PKDREJ: variants seen among roughly 807,000 people sequenced by gnomAD.
The protein encoded by PKDREJ is PKD and REJ homolog.
For missense variants in PKDREJ, 2,507 were observed against 2,807.2 expected, an observed-to-expected ratio of 0.89 and a Z score of 2.42; for synonymous variants, 1,031 against 1,095.5, an observed-to-expected ratio of 0.94 and a Z score of 1.16.
In PKDREJ at chr22:46,260,041, T is replaced by C. The variant is rs764327436; in HGVS notation, c.3282A>G (p.Leu1094=). The change falls in exon 1 of 1, where the codon CTA becomes CTG. Residue 1094 remains leucine, a synonymous_variant. Coordinates refer to ENST00000253255, the MANE Select transcript of PKDREJ (RefSeq NM_006071.2). This position sits in a 1 kb window ranked among gnomAD's most constrained non-coding sequence, Gnocchi z 4.5. The part of the protein sequence containing the change: ...PRFVMKLNDK[L]VRISIFSVQC... ...GGACGCTGAAAATAGAAATTCTCAC[T>C]AGCTTGTCATTGAGCTTCATGACAA... 1 of 1,614,116 alleles carries C rather than the reference T, an allele frequency of 6.2e-7. No homozygotes were observed. Among genetic ancestry groups the C allele is most frequent in the Non-Finnish European group, 8.5e-7 (1 of 1,179,998 alleles).
chr22:46,262,261 CA>C lies in PKDREJ; in HGVS notation c.1061del (p.Leu354ArgfsTer38), dbSNP rs1353397414. On this transcript the variant is annotated frameshift_variant, in exon 1 of 1. Coordinates refer to ENST00000253255, the MANE Select transcript of PKDREJ (RefSeq NM_006071.2). LOFTEE classifies it low-confidence loss of function (END_TRUNC). The surrounding 1 kb of genome is among the most constrained non-coding windows in gnomAD (Gnocchi z 8.1). Reference sequence around the variant, plus strand: ...CCGAGGACGTGGACCCGTCCAGAATCAGCTGCTCTGTGAAATTAGCTGTTAT... The same window carrying C: ...CCGAGGACGTGGACCCGTCCAGAATCGCTGCTCTGTGAAATTAGCTGTTAT... Reference protein sequence around the residue: ...ANITANFTEQLILDGSTSSDP... With the variant: ...ANITANFTEQXILDGSTSSDP... The C allele has an allele frequency of 3.1e-6, 5 of 1,614,216 alleles. No homozygotes were observed. In the South Asian group the frequency reaches 5.5e-5, roughly 18 times the overall value.
In PKDREJ at chr22:46,257,425, G is replaced by T. The variant is rs1159096432; in HGVS notation, c.5898C>A (p.Tyr1966Ter). 4 of 1,614,026 alleles carry T rather than the reference G, an allele frequency of 2.5e-6. No homozygotes were observed. Among genetic ancestry groups the T allele is most frequent in the Non-Finnish European group, 2.5e-6 (3 of 1,180,026 alleles). The stretch of plus-strand genomic sequence containing the variant: ...AAAAAATGAGAATGGCCACATACAA[G>T]TAGATTTCTGCTGAAGCTTTTCTGT... ...DFDRKASAEI[Y>*]LYVAILIFFL... Residue 1966 changes from tyrosine (Y) to a stop codon, truncating the protein, a stop_gained, in exon 1 of 1, where the codon TAC becomes TAA. Transcript: ENST00000253255. LOFTEE classifies it low-confidence loss of function (END_TRUNC). This position sits in a 1 kb window ranked among gnomAD's most constrained non-coding sequence, Gnocchi z 4.7.
rs765871417 is a variant in PKDREJ, at chr22:46,259,138, T to C, written c.4185A>G (p.Ala1395=). The change falls in exon 1 of 1, where the codon GCA becomes GCG. Residue 1395 remains alanine, a synonymous_variant. Transcript: ENST00000253255. This position sits in a 1 kb window ranked among gnomAD's most constrained non-coding sequence, Gnocchi z 6.8. ...TACAAAGAAGAGAGCTAAGCAACAT[T>C]GCTAAACAACAGGACAATCTCTGGA... ...NRLQRLSCCL[A]MLLSSLLCNI... 7 of 1,614,120 alleles carry C rather than the reference T, an allele frequency of 4.3e-6. No homozygotes were observed. In the South Asian group the frequency reaches 7.7e-5, roughly 18 times the overall value.
Position 46,257,288 on chromosome 22 carries a change from A to G in PKDREJ, c.6035T>C (p.Leu2012Ser), listed in dbSNP as rs756234128. The change falls in exon 1 of 1, where the codon TTG becomes TCG. Residue 2012 changes from leucine (L) to serine (S), a missense_variant. Leu to Ser is a moderately radical substitution (Grantham distance 145, BLOSUM62 -2). Coordinates refer to ENST00000253255, the MANE Select transcript of PKDREJ (RefSeq NM_006071.2). The surrounding 1 kb of genome is among the most constrained non-coding windows in gnomAD (Gnocchi z 4.7). ...NFALKCIFTV[L>S]IVLFLRKHFL... ...ATGTTTCCTGAGAAAGAGCACAATC[A>G]ACACAGTAAATATGCACTTTAAAGC... The G allele has an allele frequency of 6.2e-7, 1 of 1,614,106 alleles. No individual in the cohort carries two copies.
rs1158321465 is a variant in PKDREJ at position 46,259,480 on chromosome 22, AGT to A, written c.3841_3842del (p.Thr1281PhefsTer8). The A allele has an allele frequency of 6.2e-7, 1 of 1,614,190 alleles. No homozygotes were observed. The highest frequency in any genetic ancestry group is 8.5e-7 in the Non-Finnish European group (1 of 1,180,040). ...AGTCACTTTTTGTCGTTAGGAGGAA[AGT>A]GTTGATGCTACCTCGGTAGAGAGTT... Reference protein sequence around the residue: ...FTTLYRGSINTFLLTTKSDLG... With the variant: ...FTTLYRGSINXFLLTTKSDLG... On this transcript the variant is annotated frameshift_variant, in exon 1 of 1. Coordinates refer to ENST00000253255, the MANE Select transcript of PKDREJ (RefSeq NM_006071.2). LOFTEE classifies it low-confidence loss of function (END_TRUNC). This position sits in a 1 kb window ranked among gnomAD's most constrained non-coding sequence, Gnocchi z 6.8.
Position 46,260,124 on chromosome 22 carries a change from C to T in PKDREJ, c.3199G>A (p.Ala1067Thr). The T allele has an allele frequency of 6.2e-7, 1 of 1,613,676 alleles. No individual in the cohort carries two copies. Among genetic ancestry groups the T allele is most frequent in the Non-Finnish European group, 8.5e-7 (1 of 1,179,746 alleles). Residue 1067 changes from alanine (A) to threonine (T), a missense_variant, in exon 1 of 1, where the codon GCT (alanine) becomes ACT (threonine). Transcript: ENST00000253255. The surrounding 1 kb of genome is among the most constrained non-coding windows in gnomAD (Gnocchi z 4.5). ...CAGTGGGGAGAGTGGCTGTGCTGAG[C>T]TATGAGTTGCAGCAGGGACACAGGG... is the stretch of plus-strand genomic sequence containing the variant. ...CLPVSLLQLI[A>T]QHSHSPHCTV...
rs753064790 is a variant in PKDREJ, at chr22:46,260,248, G to A, written c.3075C>T (p.Val1025=). The A allele has an allele frequency of 1.9e-5, 31 of 1,614,004 alleles. No homozygotes were observed. The highest frequency in any genetic ancestry group is 2.4e-5 in the Non-Finnish European group (28 of 1,180,026). The change falls in exon 1 of 1, where the codon GTC becomes GTT. Residue 1025 remains valine, a synonymous_variant. Coordinates refer to ENST00000253255, the MANE Select transcript of PKDREJ (RefSeq NM_006071.2). The surrounding 1 kb of genome is among the most constrained non-coding windows in gnomAD (Gnocchi z 4.5). ...TGTCATGAGGCACCAGGAAGGTGGC[G>A]ACCAGCGCTGTGGGAGTGATCTGAC... The part of the protein sequence containing the change: ...TGSQITPTAL[V]ATFLVPHDIP...
Position 46,257,682 on chromosome 22 carries a change from AT to A in PKDREJ, c.5640del (p.Tyr1881MetfsTer16). The A allele has an allele frequency of 2.5e-6, 4 of 1,614,212 alleles. No homozygotes were observed. The highest frequency in any genetic ancestry group is 3.4e-6 in the Non-Finnish European group (4 of 1,180,020). On this transcript the variant is annotated frameshift_variant, in exon 1 of 1. Transcript: ENST00000253255. LOFTEE classifies it low-confidence loss of function (END_TRUNC). The surrounding 1 kb of genome is among the most constrained non-coding windows in gnomAD (Gnocchi z 4.7). The stretch of plus-strand genomic sequence containing the variant: ...TGTTCTGGAAAAAAATAGAGTGCAT[AT>A]CCTCCAGATCCATAGGTGTGTAGTA... ...YGLLHTYGSG[G>X]YALYFFPEQQ... is the part of the protein sequence containing the mutation.
rs1257062601 is a variant in PKDREJ at position 46,262,953 on chromosome 22, G to A, written c.370C>T (p.Leu124Phe). 2 of 1,136,284 alleles carry A rather than the reference G, an allele frequency of 1.8e-6. No individual in the cohort carries two copies. The highest frequency in any genetic ancestry group is 5.1e-5 in the Admixed American group (1 of 19,674). 70.4% of individuals were successfully genotyped at this position (1,136,284 alleles called of 1,614,324 possible). Residue 124 changes from leucine (L) to phenylalanine (F), a missense_variant, in exon 1 of 1, where the codon CTC becomes TTC. Physicochemically the swap from Leu to Phe is conservative, Grantham distance 22 (BLOSUM62 0). Coordinates refer to ENST00000253255, the MANE Select transcript of PKDREJ (RefSeq NM_006071.2). The surrounding 1 kb of genome is among the most constrained non-coding windows in gnomAD (Gnocchi z 8.1). ...AGCCGCACGGACCACGTCAGGGAGA[G>A]GCGGCCGCCGCGCGCGGAGAGCTGC... is the stretch of plus-strand genomic sequence containing the variant. ...DLQLSARGGRLSLTWSVRLPR... is the reference protein window; with the variant it reads ...DLQLSARGGRFSLTWSVRLPR...
At position 46,257,969 on chromosome 22, in the gene PKDREJ, G is replaced by A; in HGVS notation, c.5354C>T (p.Ser1785Leu). The change falls in exon 1 of 1, where the codon TCG becomes TTG. Residue 1785 changes from serine to leucine, a missense_variant. Ser to Leu is a moderately radical substitution (Grantham distance 145). Transcript: ENST00000253255. The surrounding 1 kb of genome is among the most constrained non-coding windows in gnomAD (Gnocchi z 4.7). Reference sequence around the variant, plus strand: ...CAATGGAAGGCCAAGGATTTTAGACGAGCTTTCAGGAAGAAATGTTGGATT... The same window carrying A: ...CAATGGAAGGCCAAGGATTTTAGACAAGCTTTCAGGAAGAAATGTTGGATT... The part of the protein sequence containing the change: ...DLNPTFLPES[S>L]SKILGLPLMR... 3 of 1,614,012 alleles carry A rather than the reference G, an allele frequency of 1.9e-6. No homozygotes were observed. Among genetic ancestry groups the A allele is most frequent in the African/African-American group, 2.7e-5 (2 of 75,056 alleles).
Position 46,259,476 on chromosome 22 carries a change from G to C in PKDREJ, c.3847C>G (p.Leu1283Val). The C allele has an allele frequency of 6.2e-7, 1 of 1,614,166 alleles. No homozygotes were observed. The stretch of plus-strand genomic sequence containing the variant: ...CCCAAGTCACTTTTTGTCGTTAGGA[G>C]GAAAGTGTTGATGCTACCTCGGTAG... ...TLYRGSINTF[L>V]LTTKSDLGDI... The change falls in exon 1 of 1, where the codon CTC becomes GTC. Residue 1283 changes from leucine (L) to valine (V), a missense_variant. Transcript: ENST00000253255. This position sits in a 1 kb window ranked among gnomAD's most constrained non-coding sequence, Gnocchi z 6.8.
At position 46,260,143 on chromosome 22, in the gene PKDREJ, C is replaced by T. The variant is rs756626187; in HGVS notation, c.3180G>A (p.Val1060=). 1 of 1,613,854 alleles carries T rather than the reference C, an allele frequency of 6.2e-7. No homozygotes were observed. ...GCTGAGCTATGAGTTGCAGCAGGGACACAGGGAGGCAGACTACACGGGCCT... is the reference window on the plus strand; with the variant it reads ...GCTGAGCTATGAGTTGCAGCAGGGATACAGGGAGGCAGACTACACGGGCCT... ...VKKARVVCLP[V]SLLQLIAQHS... is the part of the protein sequence containing the mutation. Residue 1060 remains valine, a synonymous_variant, in exon 1 of 1, where the codon GTG becomes GTA. Transcript: ENST00000253255. This position sits in a 1 kb window ranked among gnomAD's most constrained non-coding sequence, Gnocchi z 4.5.
chr22:46,262,218 G>T lies in PKDREJ; in HGVS notation c.1105C>A (p.Pro369Thr), dbSNP rs1294705532. 9 of 1,614,234 alleles carry T rather than the reference G, an allele frequency of 5.6e-6. No individual in the cohort carries two copies. The highest frequency in any genetic ancestry group is 7.6e-6 in the Non-Finnish European group (9 of 1,180,040). ...STSSDPDADS[P>T]LQGLQFFWYC... ...CAAAAGAACTGGAGTCCCTGTAACG[G>T]GCTGTCCGCATCTGGGTCCGAGGAC... The change falls in exon 1 of 1, where the codon CCG becomes ACG. Residue 369 changes from proline (P) to threonine (T), a missense_variant. Pro to Thr is a conservative substitution (Grantham distance 38). Coordinates refer to ENST00000253255, the MANE Select transcript of PKDREJ (RefSeq NM_006071.2). The surrounding 1 kb of genome is among the most constrained non-coding windows in gnomAD (Gnocchi z 8.1).
chr22:46,262,129 G>A lies in PKDREJ; in HGVS notation c.1194C>T (p.Val398=). The A allele has an allele frequency of 2.5e-6, 4 of 1,614,198 alleles. No individual in the cohort carries two copies. Among genetic ancestry groups the A allele is most frequent in the Non-Finnish European group, 2.5e-6 (3 of 1,180,032 alleles). Residue 398 remains valine, a synonymous_variant, in exon 1 of 1, where the codon GTC becomes GTT. Coordinates refer to ENST00000253255, the MANE Select transcript of PKDREJ (RefSeq NM_006071.2). This position sits in a 1 kb window ranked among gnomAD's most constrained non-coding sequence, Gnocchi z 8.1. ...TCAGATTGGCCTGCTCGGGGTGACA[G>A]ACTTCCTTGCTCCCCAGGATTATTC... is the stretch of plus-strand genomic sequence containing the variant. ...GDRIILGSKE[V]CHPEQANLKW...
Position 46,258,312 on chromosome 22 carries a change from G to A in PKDREJ, c.5011C>T (p.Gln1671Ter), listed in dbSNP as rs1416945797. The A allele has an allele frequency of 2.5e-6, 4 of 1,614,006 alleles. No homozygotes were observed. In the Admixed American group the frequency reaches 6.7e-5, roughly 27 times the overall value. The change falls in exon 1 of 1, where the codon CAG becomes TAG. Residue 1671 changes from glutamine (Q) to a stop codon, truncating the protein, a stop_gained. Transcript: ENST00000253255. LOFTEE classifies it low-confidence loss of function (END_TRUNC). The surrounding 1 kb of genome is among the most constrained non-coding windows in gnomAD (Gnocchi z 6.1). ...DGMRMHPEEM[Q>*]RIHDQIVRIR... Reference sequence around the variant, plus strand: ...CGGACGATCTGGTCATGTATCCTCTGCATTTCTTCTGGATGCATACGCATT... The same window carrying A: ...CGGACGATCTGGTCATGTATCCTCTACATTTCTTCTGGATGCATACGCATT...
Position 46,261,691 on chromosome 22 carries a change from C to A in PKDREJ, c.1632G>T (p.Trp544Cys), listed in dbSNP as rs1195773438. The A allele has an allele frequency of 5.0e-6, 8 of 1,614,008 alleles. No individual in the cohort carries two copies. The highest frequency in any genetic ancestry group is 6.8e-6 in the Non-Finnish European group (8 of 1,180,012). The change falls in exon 1 of 1, where the codon TGG (tryptophan) becomes TGT (cysteine). Residue 544 changes from tryptophan to cysteine, a missense_variant. By Grantham distance (215) the Trp-to-Cys change is radical. Transcript: ENST00000253255. The surrounding 1 kb of genome is among the most constrained non-coding windows in gnomAD (Gnocchi z 7.1). Reference sequence around the variant, plus strand: ...GCCTGAAGACCGAGGTCACTCCACTCCAACATGCTAGATACAGAGAAATCG... The same window carrying A: ...GCCTGAAGACCGAGGTCACTCCACTACAACATGCTAGATACAGAGAAATCG... Reference protein sequence around the residue: ...EFSISLYLACWSGVTSVFRHS... With the variant: ...EFSISLYLACCSGVTSVFRHS...
rs1350358472 is a variant in PKDREJ, at chr22:46,260,110, G to A, written c.3213C>T (p.His1071=). The change falls in exon 1 of 1, where the codon CAC becomes CAT. Residue 1071 remains histidine, a synonymous_variant. Transcript: ENST00000253255. This position sits in a 1 kb window ranked among gnomAD's most constrained non-coding sequence, Gnocchi z 4.5. The part of the protein sequence containing the change: ...SLLQLIAQHS[H]SPHCTVSIVL... The stretch of plus-strand genomic sequence containing the variant: ...CTATGGATACAGTACAGTGGGGAGA[G>A]TGGCTGTGCTGAGCTATGAGTTGCA... The A allele has an allele frequency of 2.5e-6, 4 of 1,613,798 alleles. No homozygotes were observed. The East Asian group carries it at 6.7e-5, about 27-fold the overall frequency.
Position 46,260,191 on chromosome 22 carries a change from A to T in PKDREJ, c.3132T>A (p.Phe1044Leu). The change falls in exon 1 of 1, where the codon TTT (phenylalanine) becomes TTA (leucine). Residue 1044 changes from phenylalanine (F) to leucine (L), a missense_variant. Phe to Leu is a conservative substitution (Grantham distance 22, BLOSUM62 0). Coordinates refer to ENST00000253255, the MANE Select transcript of PKDREJ (RefSeq NM_006071.2). The surrounding 1 kb of genome is among the most constrained non-coding windows in gnomAD (Gnocchi z 4.5). The part of the protein sequence containing the change: ...IPPFASQSAL[F>L]DPACTVKKAR... ...CCTTCTTCACTGTGCAGGCTGGGTCAAACAGGGCACTCTGGCTGGCAAATG... is the reference window on the plus strand; with the variant it reads ...CCTTCTTCACTGTGCAGGCTGGGTCTAACAGGGCACTCTGGCTGGCAAATG... The T allele has an allele frequency of 6.2e-7, 1 of 1,614,200 alleles. No individual in the cohort carries two copies. Among genetic ancestry groups the T allele is most frequent in the South Asian group, 1.1e-5 (1 of 91,084 alleles).
chr22:46,258,905 G>C lies in PKDREJ; in HGVS notation c.4418C>G (p.Ala1473Gly). 6.2e-7 allele frequency: 1 copy of C among 1,614,178 alleles called. No homozygotes were observed. Among genetic ancestry groups the C allele is most frequent in the Non-Finnish European group, 8.5e-7 (1 of 1,180,030 alleles). Residue 1473 changes from alanine (A) to glycine (G), a missense_variant, in exon 1 of 1, where the codon GCA becomes GGA. Ala to Gly is a moderately conservative substitution (Grantham distance 60, BLOSUM62 0). Coordinates refer to ENST00000253255, the MANE Select transcript of PKDREJ (RefSeq NM_006071.2). This position sits in a 1 kb window ranked among gnomAD's most constrained non-coding sequence, Gnocchi z 6.1. ...CAAGTATTCTTCCCAGTGCTCACTTGCTTCTGACATTAGAGGATGCTTTTG... is the reference window on the plus strand; with the variant it reads ...CAAGTATTCTTCCCAGTGCTCACTTCCTTCTGACATTAGAGGATGCTTTTG... ...SPQKHPLMSE[A>G]SEHWEEYLRK...
Sources: allele counts gnomAD v4.1 joint callset, GRCh38; gene constraint gnomAD v4.1.1; non-coding constraint Gnocchi (gnomAD v3.1); transcripts MANE v1.5; gene names NCBI Gene and HGNC (gene_info 2026-07-23, HGNC 2026-07-21).